PDE1C: variants seen among roughly 807,000 people sequenced by gnomAD.
PDE1C encodes the protein dual specificity calcium/calmodulin-dependent 3',5'-cyclic nucleotide phosphodiesterase 1C.
PDE1C carries 62 observed loss-of-function variants against 93.1 expected under a neutral mutation model. The ratio of observed to expected loss-of-function variants is 0.67; its 90% CI spans 0.54 to 0.82. PDE1C has a LOEUF of 0.82. PDE1C is among the 40% of genes least tolerant of loss of function. The pLI is 0.00. For synonymous variants in PDE1C, 325 were observed against 310.1 expected (o/e 1.05, Z -0.50); for missense variants, 742 against 884.6 (o/e 0.84, Z 2.04).
intron 3 of PDE1C, among the ~76,000 whole-genome samples, chr7:32,141,030 C>T (rs1348282325): frequency 2.0e-5 from 3 of 152,192 alleles, no homozygotes; most frequent in South Asian, 2.1e-4. Flanking sequence ...AATTTATGTC[C>T]GCCTTTCAGG....
intron 16 of PDE1C, among the ~76,000 whole-genome samples, chr7:31,801,402 TG>T (rs1786018059): frequency 6.6e-6 from 1 of 151,486 alleles, no homozygotes; most frequent in South Asian, 2.1e-4. Context: ...TTGAATTTAT[TG>T]GGACTAATTT....
rs758318 is a variant in PDE1C at position 32,169,747 on chromosome 7, A to G, written c.308+38T>C. 84,243 of 1,586,010 alleles carry G rather than the reference A, an allele frequency of 0.053. 4,957 individuals are homozygous for G. Among genetic ancestry groups the G allele is most frequent in the East Asian group, 0.36 (16,172 of 44,636 alleles). ...ACTGGATTGAAACAACTCCACAAGC[A>G]AATAAGAAGGAACACATTGAGTTGC... On this transcript the variant is annotated intron_variant, in intron 3 of 18. Coordinates refer to the PDE1C transcript ENST00000396193.
At chr7:32,371,713 T>G (rs1784338028) in intron 1 of PDE1C, among the ~76,000 whole-genome samples, 1 of 152,188 alleles carries the variant, frequency 6.6e-6, no homozygotes, top group Non-Finnish European at 1.5e-5. Flanking sequence ...CTTACATAAA[T>G]GGAAAAACAT....
chr7:32,150,680 T>A (rs560280870), intron 3 of PDE1C, among the ~76,000 whole-genome samples: 1 of 152,334 alleles, frequency 6.6e-6, no homozygotes, highest in Admixed American at 6.5e-5. Flanking sequence ...TATGTTTCAG[T>A]ACTCCCAATG....
At chr7:31,634,801 G>C in the PDE1C span, among the ~76,000 whole-genome samples, 1 of 152,338 alleles carries the variant, frequency 6.6e-6, no homozygotes, top group Admixed American at 6.5e-5. Flanking sequence ...TCTAGCTGGA[G>C]GAAAAGGACT....
At chr7:32,082,533 C>T (rs111694462) in intron 3 of PDE1C, among the ~76,000 whole-genome samples, 84,416 of 150,922 alleles carry the variant, frequency 0.56, 23,714 homozygotes, top group South Asian at 0.66. Flanking sequence ...GATCTGAGAA[C>T]GGGCAGACTG....
intron 2 of PDE1C, among the ~76,000 whole-genome samples, chr7:31,955,989 T>C (rs1009041959): frequency 1.3e-5 from 2 of 152,214 alleles, no homozygotes; most frequent in African/African-American, 2.4e-5. Flanking sequence ...TGAAGTTCCA[T>C]GTCCTCACAA....
At chr7:31,960,724 A>T (rs866357877) in intron 2 of PDE1C, among the ~76,000 whole-genome samples, 19 of 152,320 alleles carry the variant, frequency 1.2e-4, no homozygotes, top group African/African-American at 4.6e-4. Context: ...TACTCTTGCA[A>T]TTCTTCATGA....
chr7:32,147,030 G>A (rs1264006649), intron 3 of PDE1C, among the ~76,000 whole-genome samples: 1 of 151,636 alleles, frequency 6.6e-6, no homozygotes. Flanking sequence ...CAAGTACAAA[G>A]ATATATACTA....
chr7:32,341,410 C>T (rs1245372858), intron 1 of PDE1C, among the ~76,000 whole-genome samples: 1 of 150,832 alleles, frequency 6.6e-6, no homozygotes, highest in African/African-American at 2.4e-5. Context: ...CTCCTGACCT[C>T]GTGATCCGCC....
chr7:31,635,718 G>A, the PDE1C span, among the ~76,000 whole-genome samples: 6 of 151,960 alleles, frequency 3.9e-5, 1 homozygote, highest in African/African-American at 1.4e-4. Flanking sequence ...AAGAAAAGAG[G>A]TTTAAATGAG....
At chr7:31,639,246 T>G in the PDE1C span, among the ~76,000 whole-genome samples, 3 of 152,050 alleles carry the variant, frequency 2.0e-5, no homozygotes, top group Non-Finnish European at 4.4e-5. Flanking sequence ...ACTTGTCTCA[T>G]CACTTGCTGA....
the PDE1C span, among the ~76,000 whole-genome samples, chr7:31,689,924 C>T: frequency 6.6e-6 from 1 of 152,214 alleles, no homozygotes; most frequent in African/African-American, 2.4e-5. Flanking sequence ...TTCACCACCA[C>T]CATTCTTTAA....
At chr7:31,873,488 G>T (rs1008731550) in intron 5 of PDE1C, 80 bp from the exon 6 acceptor site, 11 of 813,486 alleles carry the variant, frequency 1.4e-5, no homozygotes, top group African/African-American at 1.7e-5. Flanking sequence ...TTTCAAGTCC[G>T]CCTGCAGCCC....
At chr7:31,825,275 G>A (rs1789506799) in intron 12 of PDE1C, among the ~76,000 whole-genome samples, 1 of 152,144 alleles carries the variant, frequency 6.6e-6, no homozygotes, top group Admixed American at 6.6e-5. Flanking sequence ...GACCAAGACT[G>A]AATAACACAA....
At chr7:32,279,851 A>T (rs1811514662) in intron 1 of PDE1C, among the ~76,000 whole-genome samples, 1 of 152,170 alleles carries the variant, frequency 6.6e-6, no homozygotes, top group Non-Finnish European at 1.5e-5. Flanking sequence ...GCAAAAACCT[A>T]ATTTCTTGGT....
intron 2 of PDE1C, among the ~76,000 whole-genome samples, chr7:31,944,547 A>G (rs950062192): frequency 6.6e-6 from 1 of 152,204 alleles, no homozygotes; most frequent in African/African-American, 2.4e-5. Context: ...GCAATTCAAC[A>G]TAAGCCTGAT....
chr7:32,170,219 C>G (rs1313132956), intron 2 of PDE1C, among the ~76,000 whole-genome samples: 1 of 152,100 alleles, frequency 6.6e-6, no homozygotes, highest in Non-Finnish European at 1.5e-5. Context: ...AAACTCCTGA[C>G]AGAGCCACAG....
intron 1 of PDE1C, among the ~76,000 whole-genome samples, chr7:32,238,474 T>C (rs1808302290): frequency 6.6e-6 from 1 of 152,252 alleles, no homozygotes. Flanking sequence ...TGACATATAA[T>C]AAGTGAGATA....
Sources: allele counts gnomAD v4.1 joint callset (sites outside exome capture counted in the v4.1 genomes callset), GRCh38; gene constraint gnomAD v4.1.1; transcripts MANE v1.5; gene names NCBI Gene and HGNC (gene_info 2026-07-23, HGNC 2026-07-21).